HEPH: variants seen among roughly 807,000 people sequenced by gnomAD.
HEPH encodes the protein hephaestin.
Under a neutral mutation model 80.8 loss-of-function variants are expected in HEPH, and 69 were observed. That is an observed-to-expected ratio of 0.85 (90% CI 0.70 to 1.04). The LOEUF (loss-of-function observed/expected upper bound fraction) is 1.04, where lower values mean the gene tolerates loss of function less well. Ranked by LOEUF, HEPH falls within the 50% of genes least tolerant of loss-of-function variation. The pLI is 0.00. For missense variants in HEPH, 1,115 were observed against 891.3 expected, an observed-to-expected ratio of 1.25 and a Z score of -3.20; for synonymous variants, 431 against 322.8, an observed-to-expected ratio of 1.34 and a Z score of -3.60.
chrX:66,197,914 G>A lies in HEPH; in HGVS notation c.1713+20G>A. The A allele has an allele frequency of 8.6e-7, 1 of 1,158,917 alleles. No individual in the cohort carries two copies. Among genetic ancestry groups the A allele is most frequent in the East Asian group, 3.1e-5 (1 of 31,983 alleles). ...AAGCAGGTATTGTCAGGGTTATCTG[G>A]CTGGAAAGCCTGCTGGGAGAAGGAT... On this transcript the variant is annotated intron_variant, in intron 10 of 20. Transcript: ENST00000343002.
intron 9 of HEPH, among the ~76,000 whole-genome samples, chrX:66,196,259 GCAAA>G (rs1051063733): frequency 1.8e-5 from 2 of 111,281 alleles, no homozygotes; most frequent in Admixed American, 9.5e-5. Context: ...TTCAACAAAA[GCAAA>G]CAAACAAAAA....
chrX:66,215,177 C>A (rs1278109119), intron 15 of HEPH, among the ~76,000 whole-genome samples: 4 of 111,356 alleles, frequency 3.6e-5, no homozygotes, highest in African/African-American at 9.8e-5. Flanking sequence ...CTTGGTTAAG[C>A]TAATCCATTA....
chrX:66,236,100 T>A (rs1420778715), intron 15 of HEPH, among the ~76,000 whole-genome samples: 1 of 111,607 alleles, frequency 9.0e-6, no homozygotes, highest in African/African-American at 3.3e-5. Flanking sequence ...TCCCTTTTTT[T>A]ATTTCTCTTA....
intron 10 of HEPH, among the ~76,000 whole-genome samples, chrX:66,198,152 T>TTCCC (rs1487789551): frequency 9.2e-6 from 1 of 108,528 alleles, no homozygotes; most frequent in African/African-American, 3.4e-5. Context: ...TCCTCCCTCC[T>TTCCC]TCCCTCCCTC....
At chrX:66,177,547 G>A (rs1311916906) in intron 4 of HEPH, among the ~76,000 whole-genome samples, 1 of 111,746 alleles carries the variant, frequency 8.9e-6, no homozygotes, top group Non-Finnish European at 1.9e-5. Flanking sequence ...TTGTATTTCT[G>A]TGGTGTCAGT....
rs73534029 is a variant in HEPH at position 66,192,306 on chromosome X, G to A, written c.1232+8G>A. The A allele has an allele frequency of 0.01, 11,903 of 1,190,189 alleles. 779 individuals carry two copies. The African/African-American group carries it at 0.18, about 18-fold the overall frequency. ...TTTGAGAGAGCCAGGCAGGTAAGAG[G>A]CAGTGGGATCCCTCTCTTTAATTCT... On this transcript the variant is annotated splice_region_variant and intron_variant, in intron 7 of 20. Coordinates refer to ENST00000343002, the MANE Select transcript of HEPH (RefSeq NM_001367233.3).
intron 15 of HEPH, among the ~76,000 whole-genome samples, chrX:66,233,810 G>A (rs746074807): frequency 9.0e-6 from 1 of 110,711 alleles, no homozygotes; most frequent in Non-Finnish European, 1.9e-5. Context: ...CTGAACCAAA[G>A]TCTTGATTTT....
chrX:66,258,340 G>A (rs764530083), intron 17 of HEPH, among the ~76,000 whole-genome samples: 56 of 111,624 alleles, frequency 5.0e-4, no homozygotes, highest in African/African-American at 1.6e-3. Context: ...TCTTTCTGGG[G>A]GAGTGAAGAT....
chrX:66,241,369 C>T (rs1266958507), intron 15 of HEPH, among the ~76,000 whole-genome samples: 1 of 111,532 alleles, frequency 9.0e-6, no homozygotes, highest in African/African-American at 3.3e-5. Context: ...AAACCCAACT[C>T]ACATGCAATG....
At position 66,263,658 on chromosome X, in the gene HEPH, C is replaced by T. The variant is rs749520116; in HGVS notation, c.3214C>T (p.Leu1072Phe). Residue 1072 changes from leucine (L) to phenylalanine (F), a missense_variant, in exon 20 of 21, where the codon CTC becomes TTC. By Grantham distance (22) the Leu-to-Phe change is conservative (BLOSUM62 0). Transcript: ENST00000343002. ...CCCCCAACCAGAACACTTAAGCCCT[C>T]TCACCGTCATCACCAAAGAGACTGA... ...VFSRTEHLSPLTVITKETEKA... is the reference protein window; with the variant it reads ...VFSRTEHLSPFTVITKETEKA... The T allele has an allele frequency of 4.1e-6, 5 of 1,208,555 alleles. No individual in the cohort carries two copies. The highest frequency in any genetic ancestry group is 3.5e-5 in the African/African-American group (2 of 56,979).
At chrX:66,244,748 G>A (rs1291385042) in intron 15 of HEPH, among the ~76,000 whole-genome samples, 2 of 111,259 alleles carry the variant, frequency 1.8e-5, no homozygotes, top group Non-Finnish European at 3.8e-5. Context: ...AGTTTTCAGA[G>A]TTTGTGTGCT....
chrX:66,225,883 TAAAG>T (rs887136921), intron 15 of HEPH, among the ~76,000 whole-genome samples: 2 of 112,323 alleles, frequency 1.8e-5, no homozygotes, highest in Non-Finnish European at 3.8e-5. Context: ...GACACTGAGT[TAAAG>T]AAGGAAGGGT....
intron 12 of HEPH, among the ~76,000 whole-genome samples, chrX:66,202,938 TAC>T (rs1266079633): frequency 0.014 from 1,319 of 96,562 alleles, 23 homozygotes; most frequent in African/African-American, 0.028. Context: ...TATATATATA[TAC>T]ACACACACAC....
chrX:66,188,284 C>A, intron 4 of HEPH, 75 bp from the exon 5 acceptor site: 1 of 773,937 alleles, frequency 1.3e-6, no homozygotes, highest in South Asian at 3.0e-5. Context: ...CTATTCCTTT[C>A]TTATGAGTAC....
chrX:66,255,093 C>T lies in HEPH; in HGVS notation c.2622C>T (p.Asp874=), dbSNP rs1362168103. 2 of 1,208,293 alleles carry T rather than the reference C, an allele frequency of 1.7e-6. No homozygotes were observed. The highest frequency in any genetic ancestry group is 5.9e-5 in the East Asian group (2 of 33,737). ...IPERSGPGPN[D]SACVSWIYYS... Reference sequence around the variant, plus strand: ...AGAGGTCTGGCCCTGGGCCCAATGACTCTGCTTGTGTTTCCTGGATCTATT... The same window carrying T: ...AGAGGTCTGGCCCTGGGCCCAATGATTCTGCTTGTGTTTCCTGGATCTATT... Residue 874 remains aspartate (D), a synonymous_variant, in exon 16 of 21, where the codon GAC becomes GAT. Transcript: ENST00000343002.
intron 15 of HEPH, among the ~76,000 whole-genome samples, chrX:66,231,714 C>A (rs1207798020): frequency 9.2e-6 from 1 of 109,111 alleles, no homozygotes; most frequent in African/African-American, 3.4e-5. Flanking sequence ...ACAATCATGT[C>A]TTCTGCAAAC....
chrX:66,189,747 C>T lies in HEPH; in HGVS notation c.872C>T (p.Ala291Val), dbSNP rs1324726321. Residue 291 changes from alanine to valine, a missense_variant, in exon 6 of 21, where the codon GCC becomes GTC. This residue lies in a region of HEPH where 391 missense variants were observed against 343.6 expected (regional missense o/e 1.14). Coordinates refer to ENST00000343002, the MANE Select transcript of HEPH (RefSeq NM_001367233.3). The part of the protein sequence containing the change: ...ELNMCAQKRV[A>V]WHLFGMGNEI... ...AACATGTGTGCACAGAAACGTGTGG[C>T]CTGGCACTTGTTTGGCATGGGCAAT... 1 of 1,210,966 alleles carries T rather than the reference C, an allele frequency of 8.3e-7. No individual in the cohort carries two copies. The highest frequency in any genetic ancestry group is 1.8e-5 in the South Asian group (1 of 56,945).
chrX:66,232,543 T>C (rs923241243), intron 15 of HEPH, among the ~76,000 whole-genome samples: 1 of 111,004 alleles, frequency 9.0e-6, no homozygotes, highest in African/African-American at 3.3e-5. Context: ...AATCCTAGTG[T>C]AGTATTAGTA....
intron 4 of HEPH, among the ~76,000 whole-genome samples, chrX:66,175,824 G>A (rs183097916): frequency 1.4e-3 from 157 of 111,404 alleles, no homozygotes; most frequent in African/African-American, 4.8e-3. Context: ...CTTGGTCAAT[G>A]GTAGTGTATA....
Sources: gnomAD v4.1 joint callset for allele counts (sites outside exome capture counted in the v4.1 genomes callset) on GRCh38, gnomAD v4.1.1 for gene constraint, gnomAD v4.1.1 regional missense constraint, MANE v1.5 for transcripts, NCBI Gene and HGNC (gene_info 2026-07-23, HGNC 2026-07-21) for gene names.